The following PHACTR2 variants were observed in gnomAD, a reference collection of about 807,000 sequenced individuals.
PHACTR2 encodes chromosome 6 open reading frame 56.
PHACTR2 carries 30 observed loss-of-function variants against 76.0 expected under a neutral mutation model. The ratio of observed to expected loss-of-function variants is 0.39; its 90% CI spans 0.30 to 0.54. PHACTR2 has a LOEUF of 0.54. Ranked by LOEUF, PHACTR2 falls within the 20% of genes least tolerant of loss-of-function variation. PHACTR2 has a pLI of 0.61. For synonymous variants in PHACTR2, 292 were observed against 292.5 expected, an observed-to-expected ratio of 1.00 and a Z score of 0.02; for missense variants, 696 against 781.1, an observed-to-expected ratio of 0.89 and a Z score of 1.30.
Position 143,562,440 on chromosome 6 carries a change from G to A in PHACTR2, c.217+25233G>A, listed in dbSNP as rs944658807. ...TTACTTTTAAGTGACCAGGTCTCAC[G>A]AGAACTCACTCACTATTGCAAAGAC... On this transcript the variant is annotated intron_variant, in intron 1 of 11. Transcript: ENST00000367584. This position sits in a 1 kb window ranked among gnomAD's most constrained non-coding sequence, Gnocchi z 5.1. 6.6e-6 allele frequency among the ~76,000 whole-genome samples: 1 copy of A among 152,074 alleles called. No individual in the cohort carries two copies. The highest frequency in any genetic ancestry group is 6.6e-5 in the Admixed American group (1 of 15,266).
At chr6:143,759,538 C>T (rs1236400801) in intron 4 of PHACTR2, among the ~76,000 whole-genome samples, 1 of 151,596 alleles carries the variant, frequency 6.6e-6, no homozygotes, top group Non-Finnish European at 1.5e-5. Flanking sequence ...CCTGTGGTCT[C>T]AGCTACACAG....
chr6:143,817,877 G>A (rs575919043), intron 12 of PHACTR2, among the ~76,000 whole-genome samples: 16 of 152,300 alleles, frequency 1.1e-4, no homozygotes, highest in Admixed American at 2.6e-4. Context: ...ATAGGGTGCA[G>A]TTGGTTAACA....
At position 143,829,061 on chromosome 6, in the gene PHACTR2, T is replaced by C. The variant is rs1776604251; in HGVS notation, c.*5372T>C. 6.6e-6 allele frequency: 1 copy of C among 152,158 alleles called. No homozygotes were observed. Among genetic ancestry groups the C allele is most frequent in the African/African-American group, 2.4e-5 (1 of 41,424 alleles). 9.4% of individuals were successfully genotyped at this position (152,158 alleles called of 1,614,324 possible). On this transcript the variant is annotated 3_prime_UTR_variant, in exon 13 of 13. Transcript: ENST00000440869. Reference sequence around the variant, plus strand: ...TCGAGCCTTTCTCTCAGTGCAGCTGTTCTTCAGGGAGGAGGTTACTGGGCA... The same window carrying C: ...TCGAGCCTTTCTCTCAGTGCAGCTGCTCTTCAGGGAGGAGGTTACTGGGCA...
At chr6:143,573,195 C>T (rs1176211031) in intron 1 of PHACTR2, among the ~76,000 whole-genome samples, 3 of 152,126 alleles carry the variant, frequency 2.0e-5, no homozygotes, top group Admixed American at 6.5e-5. Context: ...GTGTTATATT[C>T]CTGTGGGGAA....
Position 143,807,213 on chromosome 6 carries a change from C to T in PHACTR2, c.1922+80C>T. On this transcript the variant is annotated intron_variant, in intron 12 of 12. Transcript: ENST00000440869. This position sits in a 1 kb window ranked among gnomAD's most constrained non-coding sequence, Gnocchi z 5.5. The stretch of plus-strand genomic sequence containing the variant: ...TTGAGTTGGTTAAAAAAAGAAATTG[C>T]TTACAATGGTAAATTTTATGATAGG... 1.3e-6 allele frequency: 1 copy of T among 793,630 alleles called. No individual in the cohort carries two copies. The highest frequency in any genetic ancestry group is 2.1e-6 in the Non-Finnish European group (1 of 472,632). 49.2% of individuals were successfully genotyped at this position (793,630 alleles called of 1,614,324 possible). A position where few individuals can be genotyped will look rare whatever the true frequency, so the allele number is the denominator to read the frequency against.
intron 1 of PHACTR2, among the ~76,000 whole-genome samples, chr6:143,552,481 T>A (rs1775107595): frequency 6.6e-6 from 1 of 152,148 alleles, no homozygotes; most frequent in Admixed American, 6.5e-5. Context: ...CAAGAAAAGT[T>A]CCTGTGAAGC....
intron 10 of PHACTR2, among the ~76,000 whole-genome samples, chr6:143,786,511 A>G (rs1047648812): frequency 6.6e-6 from 1 of 152,118 alleles, no homozygotes; most frequent in Non-Finnish European, 1.5e-5. Context: ...TTGATTCCAC[A>G]TTTTTGGGTA....
At chr6:143,778,244 G>C (rs1427116591) in intron 9 of PHACTR2, among the ~76,000 whole-genome samples, 1 of 152,186 alleles carries the variant, frequency 6.6e-6, no homozygotes, top group African/African-American at 2.4e-5. Flanking sequence ...TGGTGTGGGG[G>C]AAATCCTTGT....
chr6:143,569,634 T>C (rs192462777), intron 1 of PHACTR2, among the ~76,000 whole-genome samples: 4 of 152,332 alleles, frequency 2.6e-5, no homozygotes, highest in African/African-American at 9.6e-5. Context: ...CCACTGGTGG[T>C]ATGTAGGATA....
Position 143,806,972 on chromosome 6 carries a change from A to AT in PHACTR2, c.1846-85_1846-84insT. The AT allele has an allele frequency of 6.4e-6, 4 of 626,770 alleles. No individual in the cohort carries two copies. The highest frequency in any genetic ancestry group is 1.1e-5 in the Non-Finnish European group (4 of 363,658). The allele number at this position is 626,770 out of a possible 1,614,324, so 38.8% of individuals were successfully genotyped here. A position where few individuals can be genotyped will look rare whatever the true frequency, so the allele number is the denominator to read the frequency against. The stretch of plus-strand genomic sequence containing the variant: ...ACTCTATCTCTTAAAAAAAAAAAAA[A>AT]GGTCTGCTTCATTGATGCTGTATAT... On this transcript the variant is annotated intron_variant, in intron 11 of 12. Transcript: ENST00000440869. This position sits in a 1 kb window ranked among gnomAD's most constrained non-coding sequence, Gnocchi z 5.8.
rs1019897560 is a variant in PHACTR2, at chr6:143,825,047, G to T, written c.*1358G>T. 1 of 152,572 alleles carries T rather than the reference G, an allele frequency of 6.6e-6. No homozygotes were observed. The highest frequency in any genetic ancestry group is 2.4e-5 in the African/African-American group (1 of 41,420). 9.5% of individuals were successfully genotyped at this position (152,572 alleles called of 1,614,324 possible). A position where few individuals can be genotyped will look rare whatever the true frequency, so the allele number is the denominator to read the frequency against. ...GTTGCTATTTTCCATGGAGTCACAG[G>T]CACACTATGACTTCTGCTCCCAAAT... On this transcript the variant is annotated 3_prime_UTR_variant, in exon 13 of 13. Transcript: ENST00000440869. The surrounding 1 kb of genome is among the most constrained non-coding windows in gnomAD (Gnocchi z 4.1).
chr6:143,794,382 A>G lies in PHACTR2; in HGVS notation c.1845+5472A>G, dbSNP rs964096645. Among the ~76,000 whole-genome samples, 13 of 151,646 alleles carry G rather than the reference A, an allele frequency of 8.6e-5. No homozygotes were observed. In the South Asian group the frequency reaches 2.5e-3, roughly 29 times the overall value. On this transcript the variant is annotated intron_variant, in intron 11 of 12. Coordinates refer to ENST00000440869, the MANE Select transcript of PHACTR2 (RefSeq NM_001100164.2). This position sits in a 1 kb window ranked among gnomAD's most constrained non-coding sequence, Gnocchi z 4.1. ...TTAAAATATTGTATTAAGTTAATTC[A>G]TGTAAAAATTATAATTTAGCTATTA...
At chr6:143,538,956 C>T (rs765512393) in intron 1 of PHACTR2, among the ~76,000 whole-genome samples, 11 of 152,104 alleles carry the variant, frequency 7.2e-5, no homozygotes, top group African/African-American at 1.9e-4. Context: ...AAACTGAACT[C>T]GAGCCATGGA....
At chr6:143,726,564 A>G (rs1438582423) in intron 2 of PHACTR2, among the ~76,000 whole-genome samples, 2 of 152,144 alleles carry the variant, frequency 1.3e-5, no homozygotes, top group Non-Finnish European at 2.9e-5. Flanking sequence ...TAATGTCCTC[A>G]AGTTTCCTCC....
At position 143,687,581 on chromosome 6, in the gene PHACTR2, C is replaced by T. The variant is rs9399457; in HGVS notation, c.46+9372C>T. ...AACAAAAACCAAAACTACAGAAATG[C>T]GGAAAGGAATGGGCAAATCACATTA... On this transcript the variant is annotated intron_variant, in intron 1 of 12. Transcript: ENST00000440869. 3.0e-4 allele frequency among the ~76,000 whole-genome samples: 46 copies of T among 152,246 alleles called. 1 individual carries two copies. In the East Asian group the frequency reaches 8.1e-3, roughly 27 times the overall value.
Position 143,659,128 on chromosome 6 carries a change from A to G in PHACTR2, c.13+50806A>G, listed in dbSNP as rs961164664. Among the ~76,000 whole-genome samples, 2 of 152,024 alleles carry G rather than the reference A, an allele frequency of 1.3e-5. No individual in the cohort carries two copies. The highest frequency in any genetic ancestry group is 4.8e-5 in the African/African-American group (2 of 41,398). The stretch of plus-strand genomic sequence containing the variant: ...CCCTAGGTAAGTCTGTGAGTGAGTG[A>G]TGGGTGAATGTGAAAGCCTTGGATA... On this transcript the variant is annotated intron_variant, in intron 1 of 11. Transcript: ENST00000305766. This position sits in a 1 kb window ranked among gnomAD's most constrained non-coding sequence, Gnocchi z 5.0.
chr6:143,815,553 T>C (rs921034065), intron 12 of PHACTR2, among the ~76,000 whole-genome samples: 6 of 152,190 alleles, frequency 3.9e-5, no homozygotes, highest in African/African-American at 1.4e-4. Context: ...AAGAAAGTAA[T>C]ATTTTACCTT....
chr6:143,714,108 T>A (rs1336121905), intron 2 of PHACTR2, among the ~76,000 whole-genome samples: 1 of 152,248 alleles, frequency 6.6e-6, no homozygotes, highest in Non-Finnish European at 1.5e-5. Flanking sequence ...AAGAGAAAGT[T>A]ATTTTCTTCT....
chr6:143,672,183 A>C lies in PHACTR2; in HGVS notation c.14-39833A>C, dbSNP rs1164658066. Among the ~76,000 whole-genome samples, 1 of 151,890 alleles carries C rather than the reference A, an allele frequency of 6.6e-6. No homozygotes were observed. The highest frequency in any genetic ancestry group is 1.9e-4 in the East Asian group (1 of 5,198). On this transcript the variant is annotated intron_variant, in intron 1 of 11. Coordinates refer to the PHACTR2 transcript ENST00000305766. The surrounding 1 kb of genome is among the most constrained non-coding windows in gnomAD (Gnocchi z 5.8). The stretch of plus-strand genomic sequence containing the variant: ...TTGGTTGGACTACATGTTTATTAAA[A>C]CTTATTGAACTGTTTGCTTTAAATG...
Sources: allele counts gnomAD v4.1 joint callset (sites outside exome capture counted in the v4.1 genomes callset), GRCh38; gene constraint gnomAD v4.1.1; non-coding constraint Gnocchi (gnomAD v3.1); transcripts MANE v1.5; gene names NCBI Gene and HGNC (gene_info 2026-07-23, HGNC 2026-07-21).